Variants in FAM3D observed in about 807,000 individuals in gnomAD.
The protein encoded by FAM3D is protein FAM3D.
FAM3D carries 26 observed loss-of-function variants against 29.8 expected under a neutral mutation model. The observed-to-expected ratio is 0.87, with a 90% CI of 0.64 to 1.21. FAM3D has a LOEUF of 1.21. Among genes scored for constraint, FAM3D ranks in the 50% most tolerant of loss-of-function variants. The pLI is 0.00. For synonymous variants in FAM3D, 115 were observed against 102.3 expected (o/e 1.12, Z -0.75); for missense variants, 253 against 290.9 (o/e 0.87, Z 0.95).
In FAM3D at chr3:58,645,589, G is replaced by A; in HGVS notation, c.183C>T (p.Cys61=). 5 of 1,614,230 alleles carry A rather than the reference G, an allele frequency of 3.1e-6. No homozygotes were observed. The highest frequency in any genetic ancestry group is 4.2e-6 in the Non-Finnish European group (5 of 1,180,046). ...TTTTAAACGCAAAGTAGTTGGCTGG[G>A]CAGGGCTTGATGAGGCCACACTTGT... ...KKYKCGLIKP[C]PANYFAFKIC... The change falls in exon 5 of 10, where the codon TGC becomes TGT. Residue 61 remains cysteine (C), a synonymous_variant. Transcript: ENST00000358781.
At chr3:58,662,134 C>G (rs2066943229) in intron 1 of FAM3D, among the ~76,000 whole-genome samples, 1 of 142,308 alleles carries the variant, frequency 7.0e-6, no homozygotes, top group Non-Finnish European at 1.6e-5. Flanking sequence ...CAAACTGGAT[C>G]AGGGTGGGGC....
chr3:58,653,671 C>T lies in FAM3D; in HGVS notation c.121+3G>A. 2 of 1,613,268 alleles carry T rather than the reference C, an allele frequency of 1.2e-6. No individual in the cohort carries two copies. The highest frequency in any genetic ancestry group is 1.7e-6 in the Non-Finnish European group (2 of 1,179,832). ...CCTGCCCCCAGCAGTGAGCCCCACT[C>T]ACCCAGCCAGCGTGGCAGACGGATG... On this transcript the variant is annotated splice_donor_region_variant and intron_variant, in intron 3 of 9. Transcript: ENST00000358781.
chr3:58,659,188 C>T (rs1030299789), intron 1 of FAM3D, among the ~76,000 whole-genome samples: 5 of 152,204 alleles, frequency 3.3e-5, no homozygotes. Context: ...TGGCAGGGTC[C>T]ACTCATCTCT....
intron 4 of FAM3D, among the ~76,000 whole-genome samples, chr3:58,646,156 G>A (rs1177726754): frequency 6.6e-6 from 1 of 152,242 alleles, no homozygotes; most frequent in Non-Finnish European, 1.5e-5. Context: ...GAATACATGA[G>A]TGTGGTTTAA....
chr3:58,665,528 C>T (rs1282906483), intron 1 of FAM3D, among the ~76,000 whole-genome samples: 2 of 152,170 alleles, frequency 1.3e-5, no homozygotes, highest in South Asian at 2.1e-4. Context: ...ATGTATGATA[C>T]CTCATCTTGT....
At chr3:58,645,670 G>C in intron 4 of FAM3D, 44 bp from the exon 5 acceptor site, 1 of 1,537,648 alleles carries the variant, frequency 6.5e-7, no homozygotes, top group Non-Finnish European at 9.0e-7. Flanking sequence ...AAGCTCAGGA[G>C]GTACTTGGGG....
chr3:58,636,301 A>T lies in FAM3D; in HGVS notation c.578T>A (p.Phe193Tyr). The change falls in exon 9 of 10, where the codon TTT becomes TAT. Residue 193 changes from phenylalanine (F) to tyrosine (Y), a missense_variant. Physicochemically the swap from Phe to Tyr is conservative, Grantham distance 22 (BLOSUM62 3). Coordinates refer to ENST00000358781, the MANE Select transcript of FAM3D (RefSeq NM_138805.3). Reference sequence around the variant, plus strand: ...TTGTGGCCCAGAACCCACCTGCTCAAAGGGGCTTTTACCCCTGAGGTCTTT... The same window carrying T: ...TTGTGGCCCAGAACCCACCTGCTCATAGGGGCTTTTACCCCTGAGGTCTTT... ...GAKDLRGKSPFEQFLKNSPDT... is the reference protein window; with the variant it reads ...GAKDLRGKSPYEQFLKNSPDT... The T allele has an allele frequency of 6.2e-7, 1 of 1,613,934 alleles. No individual in the cohort carries two copies. The highest frequency in any genetic ancestry group is 8.5e-7 in the Non-Finnish European group (1 of 1,179,992).
chr3:58,661,985 C>T lies in FAM3D; in HGVS notation c.-39+4591G>A, dbSNP rs544804253. 1.2e-3 allele frequency among the ~76,000 whole-genome samples: 184 copies of T among 152,344 alleles called. 8 individuals carry two copies. In the South Asian group the frequency reaches 0.037, roughly 31 times the overall value. ...AGCCATCTGGACAGACATTCAGCCC[C>T]TTCCCTGCCCTCCAGTGTCTGAGGG... On this transcript the variant is annotated intron_variant, in intron 1 of 9. Transcript: ENST00000358781.
intron 2 of FAM3D, among the ~76,000 whole-genome samples, 192 bp downstream of exon 2, chr3:58,655,358 CA>C (rs1452269672): frequency 1.3e-5 from 2 of 152,182 alleles, no homozygotes; most frequent in Non-Finnish European, 2.9e-5. Flanking sequence ...GGCCTCTGTG[CA>C]AAAGTTCCTC....
At chr3:58,640,701 G>A (rs564299230) in intron 6 of FAM3D, among the ~76,000 whole-genome samples, 2 of 152,386 alleles carry the variant, frequency 1.3e-5, no homozygotes, top group South Asian at 4.1e-4. Context: ...CCAGTAACCT[G>A]GATTGCGTTT....
chr3:58,659,686 A>G lies in FAM3D; in HGVS notation c.-38-4085T>C, dbSNP rs550286612. Among the ~76,000 whole-genome samples, 33 of 152,322 alleles carry G rather than the reference A, an allele frequency of 2.2e-4. 1 individual carries two copies. In the South Asian group the frequency reaches 6.6e-3, roughly 31 times the overall value. On this transcript the variant is annotated intron_variant, in intron 1 of 9. Transcript: ENST00000358781. Reference sequence around the variant, plus strand: ...GCCGGATGCTAGCACCGAGGCACACAGTAGGTGTGCAGTAAATGTTGTTGG... The same window carrying G: ...GCCGGATGCTAGCACCGAGGCACACGGTAGGTGTGCAGTAAATGTTGTTGG...
chr3:58,656,079 C>CCCTT (rs1221918213), intron 1 of FAM3D, among the ~76,000 whole-genome samples: 1 of 152,142 alleles, frequency 6.6e-6, no homozygotes, highest in East Asian at 1.9e-4. Flanking sequence ...AGCCCTCCTT[C>CCCTT]CCTTCCTTCC....
intron 1 of FAM3D, among the ~76,000 whole-genome samples, chr3:58,658,645 G>T (rs1220606594): frequency 6.6e-6 from 1 of 152,200 alleles, no homozygotes; most frequent in Non-Finnish European, 1.5e-5. Context: ...CTGGATGGGA[G>T]CACATCCATC....
intron 1 of FAM3D, among the ~76,000 whole-genome samples, chr3:58,659,152 A>C (rs886337476): frequency 1.3e-5 from 2 of 152,152 alleles, no homozygotes; most frequent in Non-Finnish European, 1.5e-5. Context: ...CAGTGAGGCC[A>C]CCTGTCTGGA....
intron 2 of FAM3D, 47 bp from the exon 3 acceptor site, chr3:58,653,828 C>T (rs775429985): frequency 7.0e-7 from 1 of 1,427,566 alleles, no homozygotes; most frequent in Non-Finnish European, 9.9e-7. Flanking sequence ...GCCAAGACCA[C>T]ATTGCAAGAC....
chr3:58,655,267 G>A (rs916531488), intron 2 of FAM3D, among the ~76,000 whole-genome samples: 1 of 152,104 alleles, frequency 6.6e-6, no homozygotes, highest in Non-Finnish European at 1.5e-5. Flanking sequence ...AGCCCTCCTC[G>A]AGGTAAATAT....
chr3:58,641,771 T>C (rs962011369), intron 6 of FAM3D, among the ~76,000 whole-genome samples: 20 of 152,240 alleles, frequency 1.3e-4, no homozygotes, highest in Non-Finnish European at 2.4e-4. Flanking sequence ...GCACAGTAAG[T>C]GCCCAATAAA....
At position 58,634,310 on chromosome 3, in the gene FAM3D, AT is replaced by A. The variant is rs2066098623; in HGVS notation, c.643del (p.Met215TrpfsTer22). On this transcript the variant is annotated frameshift_variant, in exon 10 of 10. Coordinates refer to ENST00000358781, the MANE Select transcript of FAM3D (RefSeq NM_138805.3). LOFTEE classifies it high-confidence loss of function. This position sits in a 1 kb window ranked among gnomAD's most constrained non-coding sequence, Gnocchi z 4.6. Reference sequence around the variant, plus strand: ...TGGCTTCGGGGGCATGCAGCCCTCCATCTCCAGCAGCTCTGGCCATCCCTCG... The same window carrying A: ...TGGCTTCGGGGGCATGCAGCCCTCCACTCCAGCAGCTCTGGCCATCCCTCG... Reference protein sequence around the residue: ...KYEGWPELLEMEGCMPPKPF With the variant: ...KYEGWPELLEXEGCMPPKPF 2 of 1,613,994 alleles carry A rather than the reference AT, an allele frequency of 1.2e-6. No homozygotes were observed. Among genetic ancestry groups the A allele is most frequent in the Non-Finnish European group, 1.7e-6 (2 of 1,180,036 alleles).
intron 1 of FAM3D, among the ~76,000 whole-genome samples, chr3:58,662,399 G>T (rs1479925382): frequency 6.6e-6 from 1 of 152,212 alleles, no homozygotes; most frequent in East Asian, 1.9e-4. Flanking sequence ...GGGATCAGGA[G>T]ATCTCACTGA....
Sources: allele counts gnomAD v4.1 joint callset (sites outside exome capture counted in the v4.1 genomes callset), GRCh38; gene constraint gnomAD v4.1.1; non-coding constraint Gnocchi (gnomAD v3.1); transcripts MANE v1.5; gene names NCBI Gene and HGNC (gene_info 2026-07-23, HGNC 2026-07-21).